KCNIP4: variants seen among roughly 807,000 people sequenced by gnomAD.
KCNIP4 encodes Kv channel-interacting protein 4.
A neutral mutation model predicts 34.0 loss-of-function variants in KCNIP4; 12 were observed. The ratio of observed to expected loss-of-function variants is 0.35; its 90% CI spans 0.23 to 0.57. The LOEUF (loss-of-function observed/expected upper bound fraction) is 0.57. Ranked by LOEUF, KCNIP4 falls within the 20% of genes least tolerant of loss-of-function variation. The pLI, the probability that KCNIP4 is intolerant of heterozygous loss-of-function variation, is 0.83. For missense variants in KCNIP4, 238 were observed against 311.7 expected (o/e 0.76, Z 1.78); for synonymous variants, 124 against 102.2 (o/e 1.21, Z -1.29).
At chr4:21,317,096 A>ACGATTTAGTGTTCTTGTGGG (rs1713843640) in intron 1 of KCNIP4, among the ~76,000 whole-genome samples, 1 of 152,294 alleles carries the variant, frequency 6.6e-6, no homozygotes, top group South Asian at 2.1e-4. Flanking sequence ...TACTTACAAG[A>ACGATTTAGTGTTCTTGTGGG]CGATTTAGTG....
intron 1 of KCNIP4, among the ~76,000 whole-genome samples, chr4:21,172,740 G>A (rs1192158196): frequency 6.6e-6 from 1 of 152,138 alleles, no homozygotes; most frequent in Non-Finnish European, 1.5e-5. Flanking sequence ...GGATTCGGTG[G>A]CTTATTGGCC....
At chr4:21,237,642 A>C (rs984903603) in intron 1 of KCNIP4, among the ~76,000 whole-genome samples, 3 of 152,198 alleles carry the variant, frequency 2.0e-5, no homozygotes, top group Admixed American at 6.5e-5. Context: ...GAAATGGATA[A>C]ATTCCTCGAC....
At chr4:21,287,941 A>T (rs1046540994) in intron 1 of KCNIP4, among the ~76,000 whole-genome samples, 1 of 152,240 alleles carries the variant, frequency 6.6e-6, no homozygotes, top group Non-Finnish European at 1.5e-5. Flanking sequence ...AATTTTAATG[A>T]TTTGCCTGAT....
At chr4:21,896,311 C>T (rs1328317944) in intron 1 of KCNIP4, among the ~76,000 whole-genome samples, 1 of 152,072 alleles carries the variant, frequency 6.6e-6, no homozygotes. Context: ...TTATACACAC[C>T]TAAAGGAGCT....
intron 1 of KCNIP4, among the ~76,000 whole-genome samples, chr4:21,371,408 G>C (rs1720437144): frequency 6.8e-6 from 1 of 146,290 alleles, no homozygotes; most frequent in Non-Finnish European, 1.5e-5. Flanking sequence ...ACCTCTGGGG[G>C]AAAGAAAGGA....
At chr4:21,248,060 A>ACGTGTG (rs1553845888) in intron 1 of KCNIP4, among the ~76,000 whole-genome samples, 2 of 145,288 alleles carry the variant, frequency 1.4e-5, no homozygotes, top group African/African-American at 5.1e-5. Context: ...ATATATATAT[A>ACGTGTG]TGTGTGTGTG....
chr4:21,103,554 C>T (rs1192941479), intron 1 of KCNIP4, among the ~76,000 whole-genome samples: 1 of 150,610 alleles, frequency 6.6e-6, no homozygotes, highest in Non-Finnish European at 1.5e-5. Flanking sequence ...TTCAATGTAG[C>T]GAAGTTTTTG....
intron 1 of KCNIP4, among the ~76,000 whole-genome samples, chr4:21,872,132 C>T (rs1409620484): frequency 6.6e-6 from 1 of 152,042 alleles, no homozygotes; most frequent in Non-Finnish European, 1.5e-5. Flanking sequence ...ATCTCTGCAG[C>T]CCTCAGAGAA....
intron 1 of KCNIP4, among the ~76,000 whole-genome samples, chr4:20,975,640 C>T (rs1430592892): frequency 6.6e-6 from 1 of 152,136 alleles, no homozygotes; most frequent in African/African-American, 2.4e-5. Context: ...CCCCCATCCC[C>T]TCAATAGTAC....
chr4:21,911,655 C>CACAG (rs1553832675), intron 1 of KCNIP4, among the ~76,000 whole-genome samples: 2 of 137,238 alleles, frequency 1.5e-5, no homozygotes, highest in African/African-American at 2.8e-5. Context: ...CACACACACA[C>CACAG]AGAGTCTGGT....
At chr4:20,951,952 A>G (rs1170117059) in intron 1 of KCNIP4, among the ~76,000 whole-genome samples, 1 of 152,200 alleles carries the variant, frequency 6.6e-6, no homozygotes, top group Non-Finnish European at 1.5e-5. Context: ...GCCTTTCTCC[A>G]ACAACAATAA....
rs370011328 is a variant in KCNIP4, at chr4:21,179,500, G to T, written c.62-296791C>A. Among the ~76,000 whole-genome samples, 13 of 152,222 alleles carry T rather than the reference G, an allele frequency of 8.5e-5. No individual in the cohort carries two copies. In the East Asian group the frequency reaches 1.5e-3, roughly 18 times the overall value. On this transcript the variant is annotated intron_variant, in intron 1 of 8. Coordinates refer to ENST00000382152, the MANE Select transcript of KCNIP4 (RefSeq NM_025221.6). ...AATATAGGTTAGCTAAATAAATTAG[G>T]GCAATATTGGTTAGCTAAATAAGAT...
intron 2 of KCNIP4, among the ~76,000 whole-genome samples, chr4:20,863,547 C>G (rs547651444): frequency 3.9e-5 from 6 of 152,200 alleles, no homozygotes; most frequent in African/African-American, 1.2e-4. Flanking sequence ...GCAGACTGGT[C>G]CCCAGGCAAG....
chr4:21,645,143 A>G (rs577078990), intron 1 of KCNIP4, among the ~76,000 whole-genome samples: 84 of 152,292 alleles, frequency 5.5e-4, no homozygotes, highest in Admixed American at 2.0e-3. Context: ...CTTAAAATAA[A>G]ATTCATTCCA....
At chr4:20,956,469 A>C (rs2149650908) in intron 1 of KCNIP4, among the ~76,000 whole-genome samples, 1 of 151,594 alleles carries the variant, frequency 6.6e-6, no homozygotes, top group South Asian at 2.1e-4. Context: ...TGTGCCACTG[A>C]ACTCCAGCCT....
intron 1 of KCNIP4, among the ~76,000 whole-genome samples, chr4:20,957,472 G>A (rs1733430755): frequency 6.6e-6 from 1 of 152,094 alleles, no homozygotes; most frequent in Non-Finnish European, 1.5e-5. Context: ...TTAAGTAGCT[G>A]ATCAGGAATT....
chr4:21,036,113 T>C (rs1741420634), intron 1 of KCNIP4, among the ~76,000 whole-genome samples: 1 of 152,244 alleles, frequency 6.6e-6, no homozygotes. Flanking sequence ...ACTTTCTCAA[T>C]AAATCACTTG....
At chr4:20,801,858 G>T (rs1714275163) in intron 3 of KCNIP4, among the ~76,000 whole-genome samples, 1 of 151,832 alleles carries the variant, frequency 6.6e-6, no homozygotes, top group Non-Finnish European at 1.5e-5. Flanking sequence ...AATGTAAATA[G>T]ATTCAATCCT....
chr4:21,282,553 T>C (rs1043176289), intron 1 of KCNIP4, among the ~76,000 whole-genome samples: 1 of 152,180 alleles, frequency 6.6e-6, no homozygotes, highest in Non-Finnish European at 1.5e-5. Context: ...GTATCTTTAC[T>C]ATAAGGCTAC....
Sources: gnomAD v4.1 joint callset for allele counts (sites outside exome capture counted in the v4.1 genomes callset) on GRCh38, gnomAD v4.1.1 for gene constraint, MANE v1.5 for transcripts, NCBI Gene and HGNC (gene_info 2026-07-23, HGNC 2026-07-21) for gene names.